Variants in AKAP6 observed in about 807,000 individuals in gnomAD.
AKAP6 encodes the protein A-kinase anchor protein 6.
A neutral mutation model predicts 188.5 loss-of-function variants in AKAP6; 58 were observed. The observed-to-expected ratio is 0.31, with a 90% confidence interval of 0.25 to 0.38. The LOEUF is 0.38. AKAP6 is among the 10% of genes least tolerant of loss of function. The pLI, the probability that AKAP6 is intolerant of heterozygous loss-of-function variation, is 1.00. For missense variants in AKAP6, 2,710 were observed against 2,740.0 expected (o/e 0.99, Z 0.24); for synonymous variants, 989 against 998.6 (o/e 0.99, Z 0.18).
chr14:32,343,708 A>G (rs1007518589), intron 1 of AKAP6, among the ~76,000 whole-genome samples: 1 of 137,056 alleles, frequency 7.3e-6, no homozygotes, highest in Non-Finnish European at 1.5e-5. Context: ...AGATTGTGCC[A>G]TGCACTCCAG....
intron 5 of AKAP6, among the ~76,000 whole-genome samples, chr14:32,579,377 A>G (rs17099324): frequency 0.16 from 24,787 of 152,048 alleles, 3,051 homozygotes; most frequent in African/African-American, 0.34. Flanking sequence ...CTACTATCCC[A>G]TGTCTGATTA....
chr14:32,367,794 C>T (rs1392110685), intron 1 of AKAP6, among the ~76,000 whole-genome samples: 1 of 152,152 alleles, frequency 6.6e-6, no homozygotes, highest in African/African-American at 2.4e-5. Flanking sequence ...TCTTTCCAAT[C>T]TGACTTTCCA....
chr14:32,802,094 G>T (rs1455284265), intron 12 of AKAP6, among the ~76,000 whole-genome samples: 2 of 151,926 alleles, frequency 1.3e-5, no homozygotes. Flanking sequence ...TTGCTTTCTG[G>T]TATCCCAATT....
chr14:32,402,996 T>G (rs1294678240), intron 1 of AKAP6: 1 of 152,334 alleles, frequency 6.6e-6, no homozygotes, highest in East Asian at 1.9e-4. Context: ...CCTCCCAAAG[T>G]GCTGGGATTA....
At chr14:32,489,622 A>G (rs985241613) in intron 2 of AKAP6, among the ~76,000 whole-genome samples, 2 of 152,212 alleles carry the variant, frequency 1.3e-5, no homozygotes, top group African/African-American at 4.8e-5. Flanking sequence ...CAAAAATAGA[A>G]CTTTGCCAGA....
At chr14:32,602,585 A>T (rs548410860) in intron 7 of AKAP6, among the ~76,000 whole-genome samples, 24 of 152,312 alleles carry the variant, frequency 1.6e-4, no homozygotes, top group African/African-American at 4.8e-4. Flanking sequence ...TGGGAAAATC[A>T]CTTTAAAAAA....
intron 11 of AKAP6, among the ~76,000 whole-genome samples, chr14:32,744,697 A>T (rs1002842210): frequency 6.6e-6 from 1 of 152,026 alleles, no homozygotes; most frequent in Non-Finnish European, 1.5e-5. Flanking sequence ...CTTTGAATGA[A>T]CTTTCTATTC....
chr14:32,334,305 C>G (rs921540504), intron 1 of AKAP6, among the ~76,000 whole-genome samples: 2 of 152,192 alleles, frequency 1.3e-5, no homozygotes, highest in South Asian at 4.1e-4. Flanking sequence ...AGTGAAATCT[C>G]TCACCATTAC....
intron 4 of AKAP6, among the ~76,000 whole-genome samples, chr14:32,548,070 G>A (rs1883276338): frequency 6.7e-6 from 1 of 148,366 alleles, no homozygotes; most frequent in African/African-American, 2.5e-5. Context: ...ATGACTTTAT[G>A]GTATGCAACG....
At chr14:32,485,245 C>T (rs1324154626) in intron 2 of AKAP6, among the ~76,000 whole-genome samples, 2 of 150,584 alleles carry the variant, frequency 1.3e-5, no homozygotes, top group East Asian at 3.9e-4. Flanking sequence ...CAAGTCTTTG[C>T]TATTGTGAAT....
At chr14:32,366,734 TG>T (rs1887847087) in intron 1 of AKAP6, among the ~76,000 whole-genome samples, 2 of 151,966 alleles carry the variant, frequency 1.3e-5, no homozygotes, top group African/African-American at 4.8e-5. Flanking sequence ...TGGGGAGTAG[TG>T]GTGGAAAGTG....
intron 2 of AKAP6, among the ~76,000 whole-genome samples, chr14:32,505,900 T>G (rs1057166028): frequency 5.3e-5 from 8 of 152,140 alleles, no homozygotes; most frequent in Admixed American, 1.3e-4. Context: ...TTATGGTAGA[T>G]TTTTTTAAAA....
chr14:32,645,708 G>A (rs750062904), intron 7 of AKAP6, among the ~76,000 whole-genome samples: 2 of 152,178 alleles, frequency 1.3e-5, no homozygotes, highest in Admixed American at 6.5e-5. Context: ...AGAGGAGCAG[G>A]TGGGTGATAA....
At position 32,600,777 on chromosome 14, in the gene AKAP6, G is replaced by A. The variant is rs571931102; in HGVS notation, c.2715G>A (p.Gly905=). 1.2e-6 allele frequency: 2 copies of A among 1,608,222 alleles called. No homozygotes were observed. The highest frequency in any genetic ancestry group is 2.2e-5 in the East Asian group (1 of 44,704). Residue 905 remains glycine, a synonymous_variant, in exon 7 of 14, where the codon GGG becomes GGA. Transcript: ENST00000280979. ...ATGTGTCTGTGGAGGATGAGGAAGG[G>A]ACTGGAAGCCCCAAGGTAAGTGGCT... ...ATDVSVEDEE[G]TGSPKAEVQL... is the part of the protein sequence containing the mutation.
chr14:32,802,427 A>G (rs2300851), intron 12 of AKAP6, among the ~76,000 whole-genome samples: 27,647 of 152,136 alleles, frequency 0.18, 3,226 homozygotes, highest in African/African-American at 0.33. Flanking sequence ...AAGGTTACTA[A>G]ACCTATAAAT....
At chr14:32,475,744 C>G (rs904735291) in intron 2 of AKAP6, among the ~76,000 whole-genome samples, 3 of 142,552 alleles carry the variant, frequency 2.1e-5, no homozygotes, top group African/African-American at 5.2e-5. Flanking sequence ...AGTGGCTTAT[C>G]TCTGCTCACT....
In AKAP6 at chr14:32,824,441, A is replaced by G. The variant is rs148183160; in HGVS notation, c.6628A>G (p.Thr2210Ala). ...DSSLSADDAD[T>A]VALSSPSSQE... Reference sequence around the variant, plus strand: ...TTCTCTTTCAGCTGATGATGCAGATACAGTGGCTCTTTCAAGTCCTTCCTC... The same window carrying G: ...TTCTCTTTCAGCTGATGATGCAGATGCAGTGGCTCTTTCAAGTCCTTCCTC... The change falls in exon 13 of 14, where the codon ACA (threonine) becomes GCA (alanine). Residue 2210 changes from threonine (T) to alanine (A), a missense_variant. Coordinates refer to ENST00000280979, the MANE Select transcript of AKAP6 (RefSeq NM_004274.5). 6.1e-5 allele frequency: 99 copies of G among 1,613,950 alleles called. No individual in the cohort carries two copies. In the African/African-American group the frequency reaches 1.2e-3, roughly 20 times the overall value.
intron 1 of AKAP6, among the ~76,000 whole-genome samples, chr14:32,378,812 T>C (rs1244763214): frequency 1.3e-5 from 2 of 152,316 alleles, no homozygotes; most frequent in Non-Finnish European, 2.9e-5. Context: ...ACATCTCATC[T>C]ATGTGAATTT....
chr14:32,668,002 C>A (rs1293001102), intron 7 of AKAP6, among the ~76,000 whole-genome samples: 1 of 152,010 alleles, frequency 6.6e-6, no homozygotes, highest in Non-Finnish European at 1.5e-5. Flanking sequence ...TATTATACAT[C>A]TTTGATGTTT....
Sources: gnomAD v4.1 joint callset for allele counts (sites outside exome capture counted in the v4.1 genomes callset) on GRCh38, gnomAD v4.1.1 for gene constraint, MANE v1.5 for transcripts, NCBI Gene and HGNC (gene_info 2026-07-23, HGNC 2026-07-21) for gene names.